The following CCDC183 variants were observed in gnomAD, a reference collection of about 807,000 sequenced individuals.
CCDC183 encodes the protein coiled-coil domain-containing protein 183.
A neutral mutation model predicts 65.2 loss-of-function variants in CCDC183; 63 were observed. The observed-to-expected ratio is 0.97, with a 90% CI of 0.79 to 1.19. CCDC183 has a LOEUF of 1.19. Among genes scored for constraint, CCDC183 ranks in the 50% most tolerant of loss-of-function variants. CCDC183 has a pLI of 0.00. For missense variants in CCDC183, 769 were observed against 689.3 expected, an observed-to-expected ratio of 1.12 and a Z score of -1.30; for synonymous variants, 323 against 276.5, an observed-to-expected ratio of 1.17 and a Z score of -1.67.
At chr9:136,797,438 CTT>C (rs373062914) in intron 1 of CCDC183, among the ~76,000 whole-genome samples, 100 of 142,062 alleles carry the variant, frequency 7.0e-4, no homozygotes, top group South Asian at 1.1e-3. Context: ...TACTTTGTGT[CTT>C]TTTTTTTTTT....
intron 13 of CCDC183, 102 bp from the exon 14 acceptor site, chr9:136,807,470 G>A: frequency 1.4e-6 from 2 of 1,396,952 alleles, no homozygotes; most frequent in Non-Finnish European, 9.5e-7. Context: ...CCTGGGGCAA[G>A]GCACCTGGCC....
chr9:136,805,622 C>T lies in CCDC183; in HGVS notation c.948+165C>T, dbSNP rs1847830597. The T allele has an allele frequency of 8.3e-6, 5 of 604,168 alleles. No individual in the cohort carries two copies. In the South Asian group the frequency reaches 1.0e-4, roughly 12 times the overall value. 37.4% of individuals were successfully genotyped at this position (604,168 alleles called of 1,614,324 possible). ...CACAAAGTGGCAACTCCCTCGGCCG[C>T]CCCAAATCCTTTTATCTTAATCCCA... On this transcript the variant is annotated intron_variant, in intron 9 of 13. Coordinates refer to ENST00000338005, the MANE Select transcript of CCDC183 (RefSeq NM_001039374.5).
Position 136,796,379 on chromosome 9 carries a change from G to C in CCDC183, c.-19G>C, listed in dbSNP as rs760708380. ...GGCTTTGAGGTACACAGGGTCCCTT[G>C]GGGGGCCTGAGAGCAGCCATGAGGA... On this transcript the variant is annotated 5_prime_UTR_variant, in exon 1 of 14. Transcript: ENST00000338005. The C allele has an allele frequency of 1.9e-6, 3 of 1,556,810 alleles. No individual in the cohort carries two copies. Among genetic ancestry groups the C allele is most frequent in the Non-Finnish European group, 2.6e-6 (3 of 1,143,152 alleles).
Position 136,807,379 on chromosome 9 carries a change from T to C in CCDC183, c.1487-193T>C, listed in dbSNP as rs1194805992. ...CCTGGGCCGGAGCTTCCACTGGGGG[T>C]TCTGCGGGAAAGGCTAGGCAGGGCA... On this transcript the variant is annotated intron_variant, in intron 13 of 13. Coordinates refer to ENST00000338005, the MANE Select transcript of CCDC183 (RefSeq NM_001039374.5). The C allele has an allele frequency of 2.4e-5, 18 of 756,688 alleles. No homozygotes were observed. In the East Asian group the frequency reaches 4.7e-4, roughly 20 times the overall value. 46.9% of individuals were successfully genotyped at this position (756,688 alleles called of 1,614,324 possible). A position where few individuals can be genotyped will look rare whatever the true frequency, so the allele number is the denominator to read the frequency against.
In CCDC183 at chr9:136,806,883, G is replaced by A. The variant is rs1302070376; in HGVS notation, c.1389+16G>A. ...GACCGAGGAGGTAGCCCCGGGCTGG[G>A]AGGAACCTGCACAGCCCACGTCCCC... is the stretch of plus-strand genomic sequence containing the variant. On this transcript the variant is annotated intron_variant, in intron 12 of 13. Transcript: ENST00000338005. 2 of 1,613,386 alleles carry A rather than the reference G, an allele frequency of 1.2e-6. No individual in the cohort carries two copies. Among genetic ancestry groups the A allele is most frequent in the Non-Finnish European group, 1.7e-6 (2 of 1,180,004 alleles).
intron 5 of CCDC183, 93 bp downstream of exon 5, chr9:136,800,586 G>A (rs772207005): frequency 1.1e-5 from 10 of 911,494 alleles, no homozygotes; most frequent in African/African-American, 1.7e-5. Context: ...GCACCCGCCA[G>A]GGAGAGGGAG....
At chr9:136,801,377 G>C (rs369750704) in intron 5 of CCDC183, among the ~76,000 whole-genome samples, 33 of 150,846 alleles carry the variant, frequency 2.2e-4, no homozygotes, top group South Asian at 1.7e-3. Flanking sequence ...CTCTGGTAGC[G>C]CCTTCTTCTG....
intron 1 of CCDC183, among the ~76,000 whole-genome samples, chr9:136,797,086 AAG>A (rs1433943652): frequency 6.6e-6 from 1 of 152,208 alleles, no homozygotes; most frequent in Non-Finnish European, 1.5e-5. Context: ...GTTCTATTCT[AAG>A]ATAGGAGAAA....
chr9:136,797,870 G>A (rs189966956), intron 1 of CCDC183, among the ~76,000 whole-genome samples: 44 of 146,748 alleles, frequency 3.0e-4, no homozygotes, highest in African/African-American at 1.0e-3. Context: ...ACGCAGGCTC[G>A]AGTGCAGTGG....
chr9:136,807,026 C>T lies in CCDC183; in HGVS notation c.1446C>T (p.Asn482=), dbSNP rs1257108202. 1.1e-5 allele frequency: 17 copies of T among 1,613,584 alleles called. No individual in the cohort carries two copies. Among genetic ancestry groups the T allele is most frequent in the Non-Finnish European group, 1.4e-5 (17 of 1,180,022 alleles). ...CCTCGACTCTGATGGAGAAGTACAACACCAGGATCAGCTTTGAGAACCGGG... is the reference window on the plus strand; with the variant it reads ...CCTCGACTCTGATGGAGAAGTACAATACCAGGATCAGCTTTGAGAACCGGG... The part of the protein sequence containing the change: ...LESSTLMEKY[N]TRISFENREE... The change falls in exon 13 of 14, where the codon AAC becomes AAT. Residue 482 remains asparagine (N), a synonymous_variant. Coordinates refer to ENST00000338005, the MANE Select transcript of CCDC183 (RefSeq NM_001039374.5).
At chr9:136,796,594 C>G (rs564679092) in intron 1 of CCDC183, 127 bp downstream of exon 1, 1 of 708,176 alleles carries the variant, frequency 1.4e-6, no homozygotes, top group East Asian at 2.7e-5. Flanking sequence ...ATAAGAAACT[C>G]CATTTTGATC....
rs1482397008 is a variant in CCDC183, at chr9:136,804,713, C to T, written c.793-49C>T. The T allele has an allele frequency of 6.2e-7, 1 of 1,612,852 alleles. No homozygotes were observed. The stretch of plus-strand genomic sequence containing the variant: ...GCTCAGGGCCACCACTCAGGGCCCA[C>T]TCCCTGCCAAGGATGTCTCATCCCT... On this transcript the variant is annotated intron_variant, in intron 7 of 13. Transcript: ENST00000338005. The surrounding 1 kb of genome is among the most constrained non-coding windows in gnomAD (Gnocchi z 4.1).
intron 8 of CCDC183, chr9:136,805,026 C>T (rs1847817421): frequency 6.6e-6 from 4 of 604,188 alleles, no homozygotes; most frequent in South Asian, 4.0e-5. Context: ...ACCCAAGGGC[C>T]CTGCACCAAG....
intron 9 of CCDC183, 159 bp downstream of exon 9, chr9:136,805,616 C>T (rs1056170854): frequency 1.1e-5 from 7 of 610,074 alleles, no homozygotes; most frequent in Admixed American, 2.9e-5. Context: ...GCAACTCCCT[C>T]GGCCGCCCCA....
At position 136,804,747 on chromosome 9, in the gene CCDC183, C is replaced by T. The variant is rs1476428051; in HGVS notation, c.793-15C>T. On this transcript the variant is annotated splice_polypyrimidine_tract_variant and intron_variant, in intron 7 of 13. Coordinates refer to ENST00000338005, the MANE Select transcript of CCDC183 (RefSeq NM_001039374.5). This position sits in a 1 kb window ranked among gnomAD's most constrained non-coding sequence, Gnocchi z 4.1. ...AAGGATGTCTCATCCCTTCCCCGCC[C>T]CCACCTCCCATCAGGGCCAGATGGA... 2.5e-6 allele frequency: 4 copies of T among 1,613,606 alleles called. No individual in the cohort carries two copies. The African/African-American group carries it at 5.3e-5, about 22-fold the overall frequency.
intron 1 of CCDC183, among the ~76,000 whole-genome samples, chr9:136,798,036 C>T (rs1285767323): frequency 2.0e-5 from 3 of 152,182 alleles, no homozygotes; most frequent in Admixed American, 6.5e-5. Context: ...GACGCAGTCT[C>T]GCTCTGTCAC....
Position 136,803,805 on chromosome 9 carries a change from C to T in CCDC183, c.667-697C>T, listed in dbSNP as rs540750283. 3.2e-4 allele frequency: 49 copies of T among 154,826 alleles called. No individual in the cohort carries two copies. The East Asian group carries it at 8.8e-3, about 28-fold the overall frequency. The allele number at this position is 154,826 out of a possible 1,614,324, so 9.6% of individuals were successfully genotyped here. On this transcript the variant is annotated intron_variant, in intron 6 of 13. Transcript: ENST00000338005. ...GTGTGATACATGGAGCAGCGTGTGG[C>T]CAGGGCAGTGGAGGCTGCAGAGGCA...
chr9:136,800,091 G>A lies in CCDC183; in HGVS notation c.360G>A (p.Lys120=). 6.4e-7 allele frequency: 1 copy of A among 1,566,046 alleles called. No individual in the cohort carries two copies. The highest frequency in any genetic ancestry group is 1.3e-5 in the African/African-American group (1 of 74,194). ...ACCTGGTGCGGCGGCGCGGGCAGAAGCTGGAGAGCATGCAGCTGGAGCTGG... is the reference window on the plus strand; with the variant it reads ...ACCTGGTGCGGCGGCGCGGGCAGAAACTGGAGAGCATGCAGCTGGAGCTGG... ...LIHLVRRRGQ[K]LESMQLELDS... The change falls in exon 4 of 14, where the codon AAG becomes AAA. Residue 120 remains lysine (K), a synonymous_variant. Transcript: ENST00000338005.
At chr9:136,800,784 G>C (rs1847726976) in intron 5 of CCDC183, 10 of 374,706 alleles carry the variant, frequency 2.7e-5, no homozygotes, top group Admixed American at 4.3e-5. Context: ...CTGGGCCTCT[G>C]AGAGTCAGAC....
Sources: allele counts gnomAD v4.1 joint callset (sites outside exome capture counted in the v4.1 genomes callset), GRCh38; gene constraint gnomAD v4.1.1; non-coding constraint Gnocchi (gnomAD v3.1); transcripts MANE v1.5; gene names NCBI Gene and HGNC (gene_info 2026-07-23, HGNC 2026-07-21).